AGBL4: variants seen among roughly 807,000 people sequenced by gnomAD.
AGBL4 encodes the protein cytosolic carboxypeptidase 6.
Under a neutral mutation model 66.4 loss-of-function variants are expected in AGBL4, and 58 were observed. The ratio of observed to expected loss-of-function variants is 0.87; its 90% CI spans 0.71 to 1.09. The LOEUF (loss-of-function observed/expected upper bound fraction) is 1.09, where lower values mean the gene tolerates loss of function less well. AGBL4 is among the 50% of genes least tolerant of loss of function. The probability of loss-of-function intolerance (pLI) is 0.00; values close to 1 mark genes in which losing one functional copy is unlikely to be tolerated. For missense variants in AGBL4, 579 were observed against 631.0 expected, an observed-to-expected ratio of 0.92 and a Z score of 0.88; for synonymous variants, 234 against 222.9, an observed-to-expected ratio of 1.05 and a Z score of -0.44.
intron 1 of AGBL4, among the ~76,000 whole-genome samples, chr1:49,940,481 G>T (rs1258174842): frequency 6.6e-6 from 1 of 152,108 alleles, no homozygotes; most frequent in Non-Finnish European, 1.5e-5. Context: ...ACTGGATTAA[G>T]AAAATGTGGC....
At chr1:48,717,539 C>T (rs146178067) in intron 6 of AGBL4, among the ~76,000 whole-genome samples, 6 of 152,248 alleles carry the variant, frequency 3.9e-5, no homozygotes, top group South Asian at 2.1e-4. Context: ...TGTGTGCGCG[C>T]GTGCATGCAG....
intron 4 of AGBL4, among the ~76,000 whole-genome samples, chr1:49,191,588 T>C (rs1461936467): frequency 6.6e-6 from 1 of 152,140 alleles, no homozygotes; most frequent in Non-Finnish European, 1.5e-5. Context: ...ACCCAATAGG[T>C]AGTTTTTCAA....
chr1:49,984,480 T>A (rs1233532222), intron 1 of AGBL4, among the ~76,000 whole-genome samples: 1 of 152,244 alleles, frequency 6.6e-6, no homozygotes, highest in Non-Finnish European at 1.5e-5. Flanking sequence ...TACACATGCA[T>A]CAGGACTACC....
At position 49,540,879 on chromosome 1, in the gene AGBL4, T is replaced by G. The variant is rs1276783178; in HGVS notation, c.282+156434A>C. Among the ~76,000 whole-genome samples, 4 of 152,214 alleles carry G rather than the reference T, an allele frequency of 2.6e-5. No individual in the cohort carries two copies. In the East Asian group the frequency reaches 5.8e-4, roughly 22 times the overall value. The stretch of plus-strand genomic sequence containing the variant: ...TCCTTAGCATAATGAACAAGTTATC[T>G]TCATTTTTCTTATTAGAGTAATGTT... On this transcript the variant is annotated intron_variant, in intron 3 of 13. Coordinates refer to ENST00000371839, the MANE Select transcript of AGBL4 (RefSeq NM_032785.4).
intron 5 of AGBL4, among the ~76,000 whole-genome samples, chr1:49,044,448 A>G (rs1422545395): frequency 6.6e-6 from 1 of 151,764 alleles, no homozygotes; most frequent in African/African-American, 2.4e-5. Flanking sequence ...GTGAGCCAAG[A>G]TCTTGCCACT....
intron 6 of AGBL4, among the ~76,000 whole-genome samples, chr1:48,737,334 C>A (rs1037421142): frequency 6.6e-6 from 1 of 152,080 alleles, no homozygotes; most frequent in Admixed American, 6.5e-5. Flanking sequence ...AGTTCGTGGG[C>A]CCCACTCCTA....
At chr1:49,410,421 G>A (rs536565737) in intron 3 of AGBL4, among the ~76,000 whole-genome samples, 3 of 152,274 alleles carry the variant, frequency 2.0e-5, no homozygotes, top group Non-Finnish European at 4.4e-5. Flanking sequence ...GGTGTTTGAG[G>A]GGAAATGTGC....
intron 4 of AGBL4, among the ~76,000 whole-genome samples, chr1:49,237,315 C>G (rs953407755): frequency 6.6e-6 from 1 of 150,820 alleles, no homozygotes; most frequent in Non-Finnish European, 1.5e-5. Context: ...CCTGCACAAG[C>G]TCTCTCTGCC....
chr1:49,717,456 T>C (rs1437931632), intron 2 of AGBL4, among the ~76,000 whole-genome samples: 3 of 151,942 alleles, frequency 2.0e-5, no homozygotes, highest in Non-Finnish European at 4.4e-5. Context: ...TCTGACCTCA[T>C]CTCCTATTAT....
chr1:49,049,204 A>G (rs1311668111), intron 4 of AGBL4, among the ~76,000 whole-genome samples: 1 of 152,024 alleles, frequency 6.6e-6, no homozygotes, highest in African/African-American at 2.4e-5. Flanking sequence ...TCTTTCCTCT[A>G]CCTGGTCTGC....
chr1:49,947,638 C>G (rs1047158344), intron 1 of AGBL4, among the ~76,000 whole-genome samples: 3 of 151,582 alleles, frequency 2.0e-5, no homozygotes, highest in African/African-American at 4.8e-5. Flanking sequence ...TGGAACAAGA[C>G]AAGGATGCCC....
chr1:48,593,665 C>T (rs1644950677), intron 9 of AGBL4, among the ~76,000 whole-genome samples: 2 of 151,906 alleles, frequency 1.3e-5, no homozygotes, highest in Non-Finnish European at 2.9e-5. Flanking sequence ...GCAGGAGACC[C>T]GCTTGAACCC....
chr1:49,542,749 T>G (rs2148826027), intron 3 of AGBL4, among the ~76,000 whole-genome samples: 1 of 151,780 alleles, frequency 6.6e-6, no homozygotes, highest in South Asian at 2.1e-4. Context: ...AATACAAAAA[T>G]TAGCTGGGTA....
chr1:49,607,937 C>A (rs181978978), intron 3 of AGBL4, among the ~76,000 whole-genome samples: 1 of 152,092 alleles, frequency 6.6e-6, no homozygotes, highest in South Asian at 2.1e-4. Context: ...AATCAGTAGA[C>A]AATGTGGTTG....
In AGBL4 at chr1:49,624,006, T is replaced by A. The variant is rs575838590; in HGVS notation, c.282+73307A>T. ...CATATAGTTTTGATGAGAGAGAGTG[T>A]GTGTGTGTGTGTGTGTGTGTGTGTG... On this transcript the variant is annotated intron_variant, in intron 3 of 13. Coordinates refer to ENST00000371839, the MANE Select transcript of AGBL4 (RefSeq NM_032785.4). 5.5e-3 allele frequency among the ~76,000 whole-genome samples: 769 copies of A among 139,906 alleles called. 3 individuals carry two copies. The highest frequency in any genetic ancestry group is 0.011 in the Middle Eastern group (3 of 266). The allele number at this position is 139,906 out of a possible 152,430, so 91.8% of individuals were successfully genotyped here.
intron 3 of AGBL4, among the ~76,000 whole-genome samples, chr1:49,318,527 A>C (rs1313784713): frequency 6.6e-6 from 1 of 152,076 alleles, no homozygotes; most frequent in Non-Finnish European, 1.5e-5. Flanking sequence ...AGCAACATTA[A>C]GGGTAGGAAA....
intron 3 of AGBL4, among the ~76,000 whole-genome samples, chr1:49,509,460 G>A (rs746002977): frequency 1.3e-4 from 19 of 151,520 alleles, no homozygotes; most frequent in South Asian, 2.1e-4. Flanking sequence ...CTATTTAATC[G>A]GAGACCTGGG....
chr1:48,535,802 G>C (rs1643960301), intron 12 of AGBL4, among the ~76,000 whole-genome samples: 1 of 152,102 alleles, frequency 6.6e-6, no homozygotes, highest in Non-Finnish European at 1.5e-5. Context: ...GATTTGGTAG[G>C]AGAGGAACTT....
chr1:48,873,488 G>GT (rs1264464007), intron 5 of AGBL4, among the ~76,000 whole-genome samples: 49 of 152,128 alleles, frequency 3.2e-4, no homozygotes, highest in African/African-American at 1.1e-3. Context: ...GTATTTCCGT[G>GT]ACCTCCTCAC....
Sources: gnomAD v4.1 joint callset for allele counts (sites outside exome capture counted in the v4.1 genomes callset) on GRCh38, gnomAD v4.1.1 for gene constraint, MANE v1.5 for transcripts, NCBI Gene and HGNC (gene_info 2026-07-23, HGNC 2026-07-21) for gene names.